Variants in DNAJC13 observed in about 807,000 individuals in gnomAD.
DNAJC13 encodes dnaJ homolog subfamily C member 13.
Under a neutral mutation model 290.5 loss-of-function variants are expected in DNAJC13, and 75 were observed. The ratio of observed to expected loss-of-function variants is 0.26; its 90% CI spans 0.21 to 0.31. The LOEUF (loss-of-function observed/expected upper bound fraction) is 0.31, where lower values mean the gene tolerates loss of function less well. Among genes scored for constraint, DNAJC13 ranks in the 10% least tolerant of loss-of-function variants. The pLI, the probability that DNAJC13 is intolerant of heterozygous loss-of-function variation, is 1.00. For missense variants in DNAJC13, 2,260 were observed against 2,674.5 expected, an observed-to-expected ratio of 0.85 and a Z score of 3.42; for synonymous variants, 862 against 892.0, an observed-to-expected ratio of 0.97 and a Z score of 0.60.
chr3:132,436,277 T>G (rs1939383206), intron 2 of DNAJC13, among the ~76,000 whole-genome samples: 1 of 152,188 alleles, frequency 6.6e-6, no homozygotes, highest in Non-Finnish European at 1.5e-5. Flanking sequence ...ATTTGTCTAT[T>G]TGGAACATCT....
chr3:132,483,496 G>C lies in DNAJC13; in HGVS notation c.3101G>C (p.Gly1034Ala), dbSNP rs1934749989. 1.2e-6 allele frequency: 2 copies of C among 1,614,086 alleles called. No individual in the cohort carries two copies. The highest frequency in any genetic ancestry group is 1.7e-6 in the Non-Finnish European group (2 of 1,179,962). The change falls in exon 28 of 56, where the codon GGA becomes GCA. Residue 1034 changes from glycine (G) to alanine (A), a missense_variant. By Grantham distance (60) the Gly-to-Ala change is moderately conservative (BLOSUM62 0). Transcript: ENST00000260818. Reference protein sequence around the residue: ...PQLKWCLLASGQAVLNETDLA... With the variant: ...PQLKWCLLASAQAVLNETDLA... The stretch of plus-strand genomic sequence containing the variant: ...CTTAAGTGGTGTCTCTTAGCCAGTG[G>C]ACAGGCTGTCCTGAATGAAACTGAC...
At chr3:132,420,919 A>C (rs1473076024) in intron 1 of DNAJC13, among the ~76,000 whole-genome samples, 2 of 152,244 alleles carry the variant, frequency 1.3e-5, no homozygotes, top group Non-Finnish European at 2.9e-5. Context: ...GGCCCATGAA[A>C]AAAACTCCCA....
intron 2 of DNAJC13, among the ~76,000 whole-genome samples, chr3:132,437,593 C>T (rs890998702): frequency 3.9e-5 from 6 of 152,130 alleles, no homozygotes; most frequent in South Asian, 4.1e-4. Context: ...TGAATTGTTT[C>T]GACACCCTTG....
chr3:132,471,539 G>T (rs1266833821), intron 20 of DNAJC13, among the ~76,000 whole-genome samples: 2 of 139,772 alleles, frequency 1.4e-5, no homozygotes, highest in Non-Finnish European at 3.1e-5. Context: ...CGGGGCGGCC[G>T]GGCAGAGACG....
Position 132,503,384 on chromosome 3 carries a change from A to T in DNAJC13, c.4884+3A>T. The stretch of plus-strand genomic sequence containing the variant: ...TTGCTGTGGCTAGTGTGACTGAGGT[A>T]TGTGCTTCACAGGTAGCCTGGGTTT... On this transcript the variant is annotated splice_donor_region_variant and intron_variant, in intron 41 of 55. Transcript: ENST00000260818. 1 of 1,613,970 alleles carries T rather than the reference A, an allele frequency of 6.2e-7. No homozygotes were observed. Among genetic ancestry groups the T allele is most frequent in the Non-Finnish European group, 8.5e-7 (1 of 1,179,878 alleles).
At chr3:132,487,767 A>G (rs1458092658) in intron 29 of DNAJC13, among the ~76,000 whole-genome samples, 1 of 152,028 alleles carries the variant, frequency 6.6e-6, no homozygotes, top group Admixed American at 6.5e-5. Context: ...AATTCCCTTC[A>G]GTATTTCTAG....
chr3:132,533,617 G>A (rs1936496412), intron 55 of DNAJC13, among the ~76,000 whole-genome samples: 2 of 152,066 alleles, frequency 1.3e-5, no homozygotes, highest in Admixed American at 1.3e-4. Context: ...TACTCCCAAA[G>A]TCCTGGGATT....
chr3:132,470,873 G>A (rs1307045959), intron 20 of DNAJC13, among the ~76,000 whole-genome samples: 1 of 135,868 alleles, frequency 7.4e-6, no homozygotes, highest in Admixed American at 7.0e-5. Flanking sequence ...CGGACAGGGC[G>A]GCCGGCCGGG....
At chr3:132,461,978 C>G (rs1464862833) in intron 15 of DNAJC13, among the ~76,000 whole-genome samples, 3 of 152,130 alleles carry the variant, frequency 2.0e-5, no homozygotes, top group African/African-American at 7.2e-5. Flanking sequence ...CAAACATGAC[C>G]CACCACACCT....
chr3:132,472,193 C>A (rs1240035793), intron 20 of DNAJC13, among the ~76,000 whole-genome samples: 1 of 151,678 alleles, frequency 6.6e-6, no homozygotes, highest in Non-Finnish European at 1.5e-5. Flanking sequence ...GCAGTACAGT[C>A]CAGCTTCGGC....
At chr3:132,458,306 G>T (rs181403407) in intron 13 of DNAJC13, 1 of 152,082 alleles carries the variant, frequency 6.6e-6, no homozygotes, top group Non-Finnish European at 1.5e-5. Flanking sequence ...AAGCTTAGTC[G>T]TACATAAACA....
chr3:132,508,840 C>T (rs1283811578), intron 43 of DNAJC13, among the ~76,000 whole-genome samples: 4 of 152,202 alleles, frequency 2.6e-5, no homozygotes, highest in African/African-American at 9.6e-5. Context: ...TATGACAACA[C>T]GTCTGTTTAT....
At chr3:132,437,192 A>C (rs928098583) in intron 2 of DNAJC13, among the ~76,000 whole-genome samples, 6 of 151,946 alleles carry the variant, frequency 3.9e-5, no homozygotes, top group Admixed American at 2.6e-4. Context: ...TCATTTATTC[A>C]CTTTTAAATT....
At chr3:132,486,416 T>A (rs182270863) in intron 29 of DNAJC13, among the ~76,000 whole-genome samples, 176 of 152,226 alleles carry the variant, frequency 1.2e-3, no homozygotes, top group African/African-American at 4.1e-3. Context: ...TGGCATTAAA[T>A]TTCAGTCTAG....
chr3:132,527,289 C>T (rs1412065606), intron 53 of DNAJC13, among the ~76,000 whole-genome samples: 2 of 152,168 alleles, frequency 1.3e-5, no homozygotes. Flanking sequence ...AGTGGTTTCT[C>T]ATTACCTGCC....
intron 48 of DNAJC13, among the ~76,000 whole-genome samples, chr3:132,519,757 A>C (rs1936028114): frequency 2.0e-5 from 3 of 151,958 alleles, no homozygotes; most frequent in Admixed American, 2.0e-4. Context: ...CATTTGAGTT[A>C]ATTTTTATCC....
chr3:132,494,310 A>G (rs1576498560), intron 34 of DNAJC13, 51 bp downstream of exon 34: 2 of 1,308,950 alleles, frequency 1.5e-6, no homozygotes, highest in Non-Finnish European at 2.2e-6. Flanking sequence ...TTAAAGTACC[A>G]GTATCAAAGA....
At chr3:132,453,774 T>C in intron 8 of DNAJC13, 80 bp downstream of exon 8, 2 of 1,187,548 alleles carry the variant, frequency 1.7e-6, no homozygotes, top group South Asian at 1.4e-5. Context: ...TTTTAATGTT[T>C]ACTCATGGCT....
chr3:132,506,630 C>T (rs1188297649), intron 42 of DNAJC13, among the ~76,000 whole-genome samples: 2 of 140,756 alleles, frequency 1.4e-5, no homozygotes, highest in African/African-American at 5.4e-5. Flanking sequence ...CGGCCCACTG[C>T]AGCCTCTGCC....
Sources: gnomAD v4.1 joint callset for allele counts (sites outside exome capture counted in the v4.1 genomes callset) on GRCh38, gnomAD v4.1.1 for gene constraint, MANE v1.5 for transcripts, NCBI Gene and HGNC (gene_info 2026-07-23, HGNC 2026-07-21) for gene names.